RFX6: variants seen among roughly 807,000 people sequenced by gnomAD.
RFX6 encodes the protein regulatory factor X6, also known as DNA-binding protein RFX6.
RFX6 carries 50 observed loss-of-function variants against 110.8 expected under a neutral mutation model. The ratio of observed to expected loss-of-function variants is 0.45; its 90% CI spans 0.36 to 0.57. RFX6 has a LOEUF of 0.57. Among genes scored for constraint, RFX6 ranks in the 20% least tolerant of loss-of-function variants. The probability of loss-of-function intolerance (pLI) is 0.00; values close to 1 mark genes in which losing one functional copy is unlikely to be tolerated. For missense variants in RFX6, 990 were observed against 1,127.0 expected (o/e 0.88, Z 1.74); for synonymous variants, 383 against 411.2 (o/e 0.93, Z 0.83).
intron 4 of RFX6, among the ~76,000 whole-genome samples, chr6:116,887,929 A>G (rs938414141): frequency 1.3e-5 from 2 of 152,190 alleles, no homozygotes; most frequent in Non-Finnish European, 2.9e-5. Context: ...CACATGGTAG[A>G]CTGTTTGATT....
At chr6:116,880,253 A>C (rs1582507368) in intron 2 of RFX6, among the ~76,000 whole-genome samples, 2 of 152,196 alleles carry the variant, frequency 1.3e-5, no homozygotes, top group East Asian at 3.9e-4. Context: ...AATCATGATG[A>C]ACCATGAGGT....
At position 116,930,130 on chromosome 6, in the gene RFX6, T is replaced by C. The variant is rs1429131035; in HGVS notation, c.2611+1159T>C. On this transcript the variant is annotated intron_variant, in intron 18 of 18. Transcript: ENST00000332958. Reference sequence around the variant, plus strand: ...GCTTTGACGAAACATAGGTTAAGAGTAGGGTGGAGTCTAAGCTTTAGTTTA... The same window carrying C: ...GCTTTGACGAAACATAGGTTAAGAGCAGGGTGGAGTCTAAGCTTTAGTTTA... Among the ~76,000 whole-genome samples the C allele has an allele frequency of 2.0e-5, 3 of 152,050 alleles. No homozygotes were observed. In the East Asian group the frequency reaches 5.8e-4, roughly 29 times the overall value.
At chr6:116,903,352 T>C (rs1336430931) in intron 6 of RFX6, among the ~76,000 whole-genome samples, 2 of 152,070 alleles carry the variant, frequency 1.3e-5, no homozygotes, top group African/African-American at 4.8e-5. Context: ...TTTAAAAGTA[T>C]TAGAATTAAA....
At chr6:116,882,976 G>T (rs1194729541) in intron 4 of RFX6, among the ~76,000 whole-genome samples, 1 of 151,982 alleles carries the variant, frequency 6.6e-6, no homozygotes, top group African/African-American at 2.4e-5. Flanking sequence ...CCTCTCTGTT[G>T]TGGCAGTCTC....
At chr6:116,908,156 C>CGTA (rs1178659852) in intron 6 of RFX6, among the ~76,000 whole-genome samples, 1 of 152,074 alleles carries the variant, frequency 6.6e-6, no homozygotes, top group East Asian at 1.9e-4. Flanking sequence ...CTCCATTACC[C>CGTA]ACTACACTTT....
Position 116,880,638 on chromosome 6 carries a change from G to A in RFX6, c.475G>A (p.Glu159Lys). Residue 159 changes from glutamate to lysine, a missense_variant, in exon 3 of 19, where the codon GAG becomes AAG. By Grantham distance (56) the Glu-to-Lys change is moderately conservative (BLOSUM62 1). Transcript: ENST00000332958. ...AGATTTCTGTAGGAAAGAGAAATTA[G>A]AGCCAGCCTGTGCGGCCACCTTTGG... is the stretch of plus-strand genomic sequence containing the variant. The part of the protein sequence containing the change: ...YLDFCRKEKL[E>K]PACAATFGKT... 6.2e-7 allele frequency: 1 copy of A among 1,613,542 alleles called. No homozygotes were observed. Among genetic ancestry groups the A allele is most frequent in the Non-Finnish European group, 8.5e-7 (1 of 1,179,550 alleles).
At chr6:116,887,433 A>T (rs1432946001) in intron 4 of RFX6, among the ~76,000 whole-genome samples, 2 of 152,148 alleles carry the variant, frequency 1.3e-5, no homozygotes, top group African/African-American at 4.8e-5. Context: ...AGCGGCAGAC[A>T]CTGTACATTC....
intron 3 of RFX6, among the ~76,000 whole-genome samples, chr6:116,881,452 C>T (rs1582508139): frequency 3.3e-5 from 5 of 152,110 alleles, no homozygotes; most frequent in African/African-American, 1.2e-4. Flanking sequence ...ATACTACAGT[C>T]CAGCTTCTCA....
chr6:116,923,440 A>G, intron 14 of RFX6: 1 of 555,336 alleles, frequency 1.8e-6, no homozygotes, highest in Non-Finnish European at 3.2e-6. Context: ...CTATGGGCCA[A>G]TCTGCTCATT....
chr6:116,896,475 A>C (rs1367984636), intron 6 of RFX6, among the ~76,000 whole-genome samples: 4 of 152,250 alleles, frequency 2.6e-5, no homozygotes, highest in African/African-American at 9.6e-5. Context: ...AAATAAGTTT[A>C]AAATGATAAT....
At position 116,928,804 on chromosome 6, in the gene RFX6, G is replaced by C. The variant is rs747272103; in HGVS notation, c.2444G>C (p.Gly815Ala). The part of the protein sequence containing the change: ...NINYPESHRL[G>A]SMVNQHVSVI... ...AACTACCCAGAGTCTCACAGGCTCG[G>C]ATCAATGGTGAATCAGCACGTTTCT... is the stretch of plus-strand genomic sequence containing the variant. Residue 815 changes from glycine to alanine, a missense_variant, in exon 18 of 19, where the codon GGA becomes GCA. Physicochemically the swap from Gly to Ala is moderately conservative, Grantham distance 60. This residue lies in a region of RFX6 where 438 missense variants were observed against 441.9 expected (regional missense o/e 0.99). Coordinates refer to ENST00000332958, the MANE Select transcript of RFX6 (RefSeq NM_173560.4). 3 of 1,613,992 alleles carry C rather than the reference G, an allele frequency of 1.9e-6. No individual in the cohort carries two copies. Among genetic ancestry groups the C allele is most frequent in the Non-Finnish European group, 2.5e-6 (3 of 1,179,930 alleles).
At chr6:116,929,389 A>G (rs1775832267) in intron 18 of RFX6, among the ~76,000 whole-genome samples, 1 of 152,174 alleles carries the variant, frequency 6.6e-6, no homozygotes, top group Admixed American at 6.5e-5. Context: ...ATCAGTATCC[A>G]AAAATCACTC....
chr6:116,915,077 A>G (rs1308231806), intron 7 of RFX6, among the ~76,000 whole-genome samples: 5 of 152,202 alleles, frequency 3.3e-5, no homozygotes, highest in African/African-American at 1.2e-4. Flanking sequence ...CGTAGAGTAC[A>G]TAACTGGCAA....
At chr6:116,919,927 T>C (rs958447887) in intron 11 of RFX6, among the ~76,000 whole-genome samples, 2 of 152,244 alleles carry the variant, frequency 1.3e-5, no homozygotes, top group Admixed American at 1.3e-4. Context: ...TGATTTCAGA[T>C]AGGAAATGTA....
intron 7 of RFX6, 76 bp downstream of exon 7, chr6:116,911,118 G>T (rs1775340589): frequency 2.0e-6 from 2 of 1,020,790 alleles, no homozygotes; most frequent in Admixed American, 3.5e-5. Flanking sequence ...GAATTTCATG[G>T]TACTGCAGGA....
rs1775459433 is a variant in RFX6 at position 116,916,193 on chromosome 6, G to C, written c.859-8G>C. 8.7e-6 allele frequency: 14 copies of C among 1,604,666 alleles called. No homozygotes were observed. The East Asian group carries it at 2.9e-4, about 33-fold the overall frequency. Reference sequence around the variant, plus strand: ...AAAATCTTAACATACTTTTTACTCTGCAACTAGATCCAGCATTTTTTATTA... The same window carrying C: ...AAAATCTTAACATACTTTTTACTCTCCAACTAGATCCAGCATTTTTTATTA... On this transcript the variant is annotated splice_polypyrimidine_tract_variant and splice_region_variant and intron_variant, in intron 8 of 18. Coordinates refer to ENST00000332958, the MANE Select transcript of RFX6 (RefSeq NM_173560.4).
At chr6:116,913,058 A>G (rs1010729115) in intron 7 of RFX6, among the ~76,000 whole-genome samples, 1 of 151,952 alleles carries the variant, frequency 6.6e-6, no homozygotes, top group Non-Finnish European at 1.5e-5. Context: ...CACTTAAGGT[A>G]CCTGCTTCTT....
At position 116,918,040 on chromosome 6, in the gene RFX6, C is replaced by T; in HGVS notation, c.976C>T (p.Leu326Phe). ...AACCTCTTTTGCTATGATTAAGGTTCTTACAGATGTACTCATTCCTGCAAC... is the reference window on the plus strand; with the variant it reads ...AACCTCTTTTGCTATGATTAAGGTTTTTACAGATGTACTCATTCCTGCAAC... ...CVCDSILYKV[L>F]TDVLIPATMQ... Residue 326 changes from leucine (L) to phenylalanine (F), a missense_variant, in exon 10 of 19, where the codon CTT (leucine) becomes TTT (phenylalanine). Physicochemically the swap from Leu to Phe is conservative, Grantham distance 22 (BLOSUM62 0). This residue lies in a region of RFX6 where 243 missense variants were observed against 353.1 expected (regional missense o/e 0.69). Transcript: ENST00000332958. 6.2e-7 allele frequency: 1 copy of T among 1,603,686 alleles called. No individual in the cohort carries two copies. The highest frequency in any genetic ancestry group is 8.5e-7 in the Non-Finnish European group (1 of 1,171,636).
intron 6 of RFX6, among the ~76,000 whole-genome samples, chr6:116,909,280 C>T (rs1775279343): frequency 6.6e-6 from 1 of 151,980 alleles, no homozygotes; most frequent in Admixed American, 6.6e-5. Context: ...ACATGACTTT[C>T]CACACAAGAG....
Sources: gnomAD v4.1 joint callset for allele counts (sites outside exome capture counted in the v4.1 genomes callset) on GRCh38, gnomAD v4.1.1 for gene constraint, gnomAD v4.1.1 regional missense constraint, MANE v1.5 for transcripts, NCBI Gene and HGNC (gene_info 2026-07-23, HGNC 2026-07-21) for gene names.